SVEP1: variants seen among roughly 807,000 people sequenced by gnomAD.
The protein encoded by SVEP1 is sushi, von Willebrand factor type A, EGF and pentraxin domain-containing protein 1.
A neutral mutation model predicts 367.3 loss-of-function variants in SVEP1; 164 were observed. The observed-to-expected ratio is 0.45, with a 90% confidence interval of 0.39 to 0.51. The LOEUF (loss-of-function observed/expected upper bound fraction) is 0.51, where lower values mean the gene tolerates loss of function less well. Ranked by LOEUF, SVEP1 falls within the 20% of genes least tolerant of loss-of-function variation. SVEP1 has a pLI of 0.00. For synonymous variants in SVEP1, 1,666 were observed against 1,611.6 expected (o/e 1.03, Z -0.81); for missense variants, 4,117 against 4,425.3 (o/e 0.93, Z 1.98).
chr9:110,445,815 CCT>C lies in SVEP1; in HGVS notation c.4463+20_4463+21del. 1 of 1,612,816 alleles carries C rather than the reference CCT, an allele frequency of 6.2e-7. No homozygotes were observed. The highest frequency in any genetic ancestry group is 8.5e-7 in the Non-Finnish European group (1 of 1,179,024). On this transcript the variant is annotated intron_variant, in intron 26 of 47. Transcript: ENST00000374469. Reference sequence around the variant, plus strand: ...TTCCAAGATAAGATCTTAAGCATAGCCTTCCCGACACTTCTGCTTACCCGTTA... The same window carrying C: ...TTCCAAGATAAGATCTTAAGCATAGCTCCCGACACTTCTGCTTACCCGTTA...
At chr9:110,423,011 C>T (rs1180643610) in intron 36 of SVEP1, among the ~76,000 whole-genome samples, 3 of 130,662 alleles carry the variant, frequency 2.3e-5, no homozygotes, top group Middle Eastern at 3.7e-3. Context: ...GGGAGATATA[C>T]CTAATGCTAG....
intron 1 of SVEP1, among the ~76,000 whole-genome samples, chr9:110,555,043 TA>T (rs1255389102): frequency 6.6e-6 from 1 of 152,212 alleles, no homozygotes; most frequent in African/African-American, 2.4e-5. Context: ...CTTTACCAAG[TA>T]ATAAACTTGC....
In SVEP1 at chr9:110,503,211, G is replaced by C. The variant is rs769461080; in HGVS notation, c.1310C>G (p.Thr437Arg). The C allele has an allele frequency of 6.2e-7, 1 of 1,605,772 alleles. No homozygotes were observed. The highest frequency in any genetic ancestry group is 8.5e-7 in the Non-Finnish European group (1 of 1,177,648). The change falls in exon 6 of 48, where the codon ACA (threonine) becomes AGA (arginine). Residue 437 changes from threonine (T) to arginine (R), a missense_variant. Coordinates refer to ENST00000374469, the MANE Select transcript of SVEP1 (RefSeq NM_153366.4). ...TTTCGGCTGGCGGAGATGAGGACATGTTCTTACTATGTAAAATGAAAGCAA... is the reference window on the plus strand; with the variant it reads ...TTTCGGCTGGCGGAGATGAGGACATCTTCTTACTATGTAAAATGAAAGCAA... ...SGSESYCRVR[T>R]CPHLRQPKHG...
intron 10 of SVEP1, 63 bp downstream of exon 10, chr9:110,483,523 G>C: frequency 8.4e-7 from 1 of 1,189,488 alleles, no homozygotes. Flanking sequence ...CCATTAAAAA[G>C]CTTTTTAAAA....
Position 110,434,490 on chromosome 9 carries a change from T to A in SVEP1, c.4905A>T (p.Gly1635=), listed in dbSNP as rs747175653. Residue 1635 remains glycine (G), a synonymous_variant, in exon 30 of 48, where the codon GGA becomes GGT. Coordinates refer to ENST00000374469, the MANE Select transcript of SVEP1 (RefSeq NM_153366.4). ...SIFCSDCPRL[G]GSVPHLRTAS... is the part of the protein sequence containing the mutation. Reference sequence around the variant, plus strand: ...CAGTTCTCAGATGAGGCACTGACCCTCCTAAGCGTGGGCAATCTGAGGGCA... The same window carrying A: ...CAGTTCTCAGATGAGGCACTGACCCACCTAAGCGTGGGCAATCTGAGGGCA... 1.9e-6 allele frequency: 3 copies of A among 1,613,012 alleles called. No homozygotes were observed. The Admixed American group carries it at 5.0e-5, about 27-fold the overall frequency.
At chr9:110,528,302 C>T (rs1829972256) in intron 3 of SVEP1, among the ~76,000 whole-genome samples, 3 of 150,588 alleles carry the variant, frequency 2.0e-5, no homozygotes, top group Admixed American at 6.6e-5. Flanking sequence ...TATGTAATGG[C>T]TTTTCCTTTG....
intron 45 of SVEP1, chr9:110,377,057 C>T: frequency 2.5e-6 from 1 of 404,242 alleles, no homozygotes; most frequent in Non-Finnish European, 4.4e-6. Context: ...GTGAAAATGA[C>T]TTTAGATGGA....
rs746394405 is a variant in SVEP1 at position 110,482,367 on chromosome 9, T to C, written c.2164A>G (p.Ile722Val). ...NNRTCDIHIV[I>V]KGSPCEIPFT... ...GGACTTATGAAGACAATACCTTTTA[T>C]GACAATATGGATATCACATGTCCTG... is the stretch of plus-strand genomic sequence containing the variant. The change falls in exon 11 of 48, where the codon ATA becomes GTA. Residue 722 changes from isoleucine to valine, a missense_variant. Around this residue, in one of 4 missense-constraint regions of SVEP1, gnomAD observed 2,174 missense variants for 2,494.3 expected, o/e 0.87. Transcript: ENST00000374469. 1.2e-6 allele frequency: 2 copies of C among 1,611,824 alleles called. No individual in the cohort carries two copies. Among genetic ancestry groups the C allele is most frequent in the East Asian group, 4.5e-5 (2 of 44,840 alleles).
chr9:110,544,254 A>AT, intron 3 of SVEP1, among the ~76,000 whole-genome samples: 1 of 152,322 alleles, frequency 6.6e-6, no homozygotes, highest in Admixed American at 6.5e-5. Flanking sequence ...GAATAAAATA[A>AT]TGTTCACACG....
chr9:110,431,898 C>G lies in SVEP1; in HGVS notation c.5353+17G>C. The G allele has an allele frequency of 6.2e-7, 1 of 1,613,144 alleles. No individual in the cohort carries two copies. The highest frequency in any genetic ancestry group is 1.7e-5 in the Admixed American group (1 of 59,928). On this transcript the variant is annotated intron_variant, in intron 32 of 47. Transcript: ENST00000374469. ...AGAATGGAATTAGGAACTTTTAGTT[C>G]TACATATATTGGTTACCTGCACAGT...
At chr9:110,541,798 TATATATCTATATACATA>T in intron 3 of SVEP1, among the ~76,000 whole-genome samples, 1 of 134,270 alleles carries the variant, frequency 7.4e-6, no homozygotes, top group East Asian at 2.3e-4. Flanking sequence ...TAGATATCTA[TATATATCTATATACATA>T]GATATCTATA....
chr9:110,480,881 C>T (rs1354960597), intron 12 of SVEP1, among the ~76,000 whole-genome samples: 2 of 151,938 alleles, frequency 1.3e-5, no homozygotes, highest in Non-Finnish European at 2.9e-5. Flanking sequence ...CTCAGCCTTC[C>T]AAAATGCTGG....
At chr9:110,423,182 AAG>A (rs1319560828) in intron 36 of SVEP1, among the ~76,000 whole-genome samples, 8 of 136,710 alleles carry the variant, frequency 5.9e-5, no homozygotes, top group East Asian at 4.3e-4. Context: ...AAAAAAAAAA[AAG>A]AAAAAAAAAA....
At chr9:110,478,357 T>C (rs1010039684) in intron 13 of SVEP1, among the ~76,000 whole-genome samples, 8 of 152,236 alleles carry the variant, frequency 5.3e-5, no homozygotes, top group African/African-American at 1.7e-4. Context: ...GTTTTGCCTG[T>C]TTATTCAGAT....
rs112932983 is a variant in SVEP1 at position 110,570,669 on chromosome 9, C to T, written c.531+8344G>A. Among the ~76,000 whole-genome samples, 160 of 152,138 alleles carry T rather than the reference C, an allele frequency of 1.1e-3. 1 individual carries two copies. The highest frequency in any genetic ancestry group is 3.5e-3 in the African/African-American group (146 of 41,482). ...CTAAATTTTGTAGTTTTAGTAGAGA[C>T]GGGGTTTCACTATGTTGGCCAGGCT... On this transcript the variant is annotated intron_variant, in intron 1 of 47. Coordinates refer to ENST00000374469, the MANE Select transcript of SVEP1 (RefSeq NM_153366.4).
intron 40 of SVEP1, among the ~76,000 whole-genome samples, chr9:110,390,215 TTGTATATATACTTATATAAGTATG>T (rs1391145565): frequency 6.3e-5 from 4 of 63,060 alleles, no homozygotes; most frequent in Admixed American, 4.5e-4. Context: ...ATGTATATAC[TTGTATATATACTTATATAAGTATG>T]TGTATATATA....
At chr9:110,441,630 T>TA (rs1828511514) in intron 27 of SVEP1, among the ~76,000 whole-genome samples, 1 of 152,248 alleles carries the variant, frequency 6.6e-6, no homozygotes, top group Non-Finnish European at 1.5e-5. Flanking sequence ...TTCTGGGGTT[T>TA]AAGGAAGAGT....
chr9:110,409,069 GT>G, intron 37 of SVEP1, 118 bp from the exon 38 acceptor site: 1 of 1,108,426 alleles, frequency 9.0e-7, no homozygotes, highest in Non-Finnish European at 1.2e-6. Flanking sequence ...CAATTAGGAA[GT>G]AAGCAAATAA....
At chr9:110,471,663 ATT>A in intron 15 of SVEP1, 66 bp from the exon 16 acceptor site, 1 of 1,212,220 alleles carries the variant, frequency 8.2e-7, no homozygotes. Flanking sequence ...TTTGTAGTTA[ATT>A]TTTTACCAAA....
Sources: gnomAD v4.1 joint callset for allele counts (sites outside exome capture counted in the v4.1 genomes callset) on GRCh38, gnomAD v4.1.1 for gene constraint, gnomAD v4.1.1 regional missense constraint, MANE v1.5 for transcripts, NCBI Gene and HGNC (gene_info 2026-07-23, HGNC 2026-07-21) for gene names.